Variants in CTNNA3 observed in about 807,000 individuals in gnomAD.
The protein encoded by CTNNA3 is catenin alpha-3.
Under a neutral mutation model 95.7 loss-of-function variants are expected in CTNNA3, and 76 were observed. The ratio of observed to expected loss-of-function variants is 0.79; its 90% CI spans 0.66 to 0.96. The LOEUF (loss-of-function observed/expected upper bound fraction) is 0.96. Among genes scored for constraint, CTNNA3 ranks in the 40% least tolerant of loss-of-function variants. The pLI is 0.00. For synonymous variants in CTNNA3, 431 were observed against 374.4 expected, an observed-to-expected ratio of 1.15 and a Z score of -1.74; for missense variants, 1,191 against 1,089.8, an observed-to-expected ratio of 1.09 and a Z score of -1.31.
chr10:67,414,257 A>G (rs202092475), intron 5 of CTNNA3, among the ~76,000 whole-genome samples: 1 of 152,070 alleles, frequency 6.6e-6, no homozygotes, highest in Non-Finnish European at 1.5e-5. Context: ...TGATATTACA[A>G]CTGATCCCAC....
At chr10:67,623,274 G>C (rs371120723) in intron 2 of CTNNA3, among the ~76,000 whole-genome samples, 12 of 152,178 alleles carry the variant, frequency 7.9e-5, no homozygotes, top group African/African-American at 2.9e-4. Flanking sequence ...AGAAGGCTAA[G>C]AAGCCAAAGG....
chr10:67,272,834 T>C (rs1839040119), intron 5 of CTNNA3, among the ~76,000 whole-genome samples: 1 of 152,180 alleles, frequency 6.6e-6, no homozygotes. Context: ...TGCATGACTA[T>C]CTTTTGCATG....
At chr10:67,688,202 G>C (rs181726163) in intron 1 of CTNNA3, among the ~76,000 whole-genome samples, 1 of 152,016 alleles carries the variant, frequency 6.6e-6, no homozygotes, top group Admixed American at 6.5e-5. Flanking sequence ...AATCAGAGAG[G>C]GAGAAGGGGA....
chr10:66,037,949 G>A (rs1413386616), intron 15 of CTNNA3, among the ~76,000 whole-genome samples: 1 of 152,130 alleles, frequency 6.6e-6, no homozygotes, highest in Non-Finnish European at 1.5e-5. Context: ...CAAATGGAAA[G>A]GATGCATAAA....
intron 12 of CTNNA3, among the ~76,000 whole-genome samples, chr10:66,313,350 A>G (rs750890628): frequency 6.6e-6 from 1 of 152,202 alleles, no homozygotes; most frequent in Admixed American, 6.5e-5. Flanking sequence ...AGAGTTTCCA[A>G]TGAACTTACC....
rs567355204 is a variant in CTNNA3, at chr10:66,364,150, C to A, written c.1732+15002G>T. Among the ~76,000 whole-genome samples, 7 of 151,070 alleles carry A rather than the reference C, an allele frequency of 4.6e-5. No individual in the cohort carries two copies. The East Asian group carries it at 5.8e-4, about 13-fold the overall frequency. On this transcript the variant is annotated intron_variant, in intron 12 of 17. Coordinates refer to ENST00000433211, the MANE Select transcript of CTNNA3 (RefSeq NM_013266.4). ...CTTCTCTTTCTTTTGACAAACCTGA[C>A]AAATTGTTCTTGTTATATATATATA...
intron 7 of CTNNA3, among the ~76,000 whole-genome samples, chr10:66,878,615 A>G (rs1013002855): frequency 2.6e-5 from 4 of 151,964 alleles, no homozygotes; most frequent in African/African-American, 9.7e-5. Flanking sequence ...TTATAACCCT[A>G]CCTGATTCTA....
Position 66,385,901 on chromosome 10 carries a change from C to A in CTNNA3, c.1532-6549G>T, listed in dbSNP as rs199515599. 2.6e-5 allele frequency among the ~76,000 whole-genome samples: 4 copies of A among 152,154 alleles called. No individual in the cohort carries two copies. The East Asian group carries it at 7.7e-4, about 29-fold the overall frequency. On this transcript the variant is annotated intron_variant, in intron 11 of 17. Transcript: ENST00000433211. ...TGACAAAATTCAACAGTGCTTCATG[C>A]TAAAAACTCTCAATAAACTAGGTAT...
intron 3 of CTNNA3, among the ~76,000 whole-genome samples, chr10:67,561,603 C>T (rs1043375785): frequency 2.1e-5 from 3 of 145,128 alleles, no homozygotes; most frequent in Admixed American, 7.0e-5. Flanking sequence ...CAAACACATT[C>T]AAACGCTAGC....
intron 10 of CTNNA3, among the ~76,000 whole-genome samples, chr10:66,558,430 AT>A (rs1323337060): frequency 6.6e-6 from 1 of 152,110 alleles, no homozygotes; most frequent in Non-Finnish European, 1.5e-5. Flanking sequence ...AAAGAGGTAT[AT>A]TGGGTATTGG....
chr10:66,647,128 G>A (rs903588871), intron 9 of CTNNA3, among the ~76,000 whole-genome samples: 2 of 152,132 alleles, frequency 1.3e-5, no homozygotes, highest in East Asian at 1.9e-4. Flanking sequence ...TAACACACAA[G>A]TTGTGCTCAA....
chr10:66,738,246 A>G (rs1432754978), intron 9 of CTNNA3, among the ~76,000 whole-genome samples: 1 of 152,046 alleles, frequency 6.6e-6, no homozygotes, highest in Non-Finnish European at 1.5e-5. Flanking sequence ...CTTGATATCT[A>G]TTATGTTTTT....
intron 12 of CTNNA3, among the ~76,000 whole-genome samples, chr10:66,289,315 G>A (rs7912281): frequency 0.024 from 1,770 of 72,598 alleles, 51 homozygotes; most frequent in African/African-American, 0.09. Flanking sequence ...CAGGCCAGGC[G>A]TGGTGGCTCA....
chr10:67,350,809 T>C (rs1842603253), intron 5 of CTNNA3, among the ~76,000 whole-genome samples: 1 of 150,932 alleles, frequency 6.6e-6, no homozygotes, highest in East Asian at 1.9e-4. Flanking sequence ...AAGTTAAACA[T>C]ATATTTAGCA....
chr10:67,196,870 ATGAAAGAGTCCTTGTGTGATTATCTGT>A (rs1377237192), intron 6 of CTNNA3, among the ~76,000 whole-genome samples: 24 of 152,246 alleles, frequency 1.6e-4, no homozygotes, highest in African/African-American at 5.5e-4. Flanking sequence ...ATATATATTA[ATGAAAGAGTCCTTGTGTGATTATCTGT>A]TTGGAAATAT....
chr10:67,053,320 G>T (rs528382668), intron 7 of CTNNA3, among the ~76,000 whole-genome samples: 1 of 152,154 alleles, frequency 6.6e-6, no homozygotes, highest in African/African-American at 2.4e-5. Context: ...GGACATTACT[G>T]GAAAAATCTG....
intron 1 of CTNNA3, among the ~76,000 whole-genome samples, chr10:67,672,356 G>C (rs1055578973): frequency 2.6e-5 from 4 of 151,968 alleles, no homozygotes; most frequent in African/African-American, 9.7e-5. Flanking sequence ...AGAAGCTCTT[G>C]AGTTTAATTA....
At chr10:66,604,788 C>CAAAAA (rs56886409) in intron 10 of CTNNA3, among the ~76,000 whole-genome samples, 20 of 135,974 alleles carry the variant, frequency 1.5e-4, no homozygotes, top group East Asian at 8.5e-4. Flanking sequence ...AGGATAAAAG[C>CAAAAA]AAAAAAAAAA....
chr10:67,339,293 T>G (rs1842098259), intron 5 of CTNNA3, among the ~76,000 whole-genome samples: 1 of 152,184 alleles, frequency 6.6e-6, no homozygotes, highest in Non-Finnish European at 1.5e-5. Flanking sequence ...CTATTAGTAA[T>G]GCACACATAA....
Sources: allele counts gnomAD v4.1 joint callset (sites outside exome capture counted in the v4.1 genomes callset), GRCh38; gene constraint gnomAD v4.1.1; transcripts MANE v1.5; gene names NCBI Gene and HGNC (gene_info 2026-07-23, HGNC 2026-07-21).